The following DYNC1I1 variants were observed in gnomAD, a reference collection of about 807,000 sequenced individuals.
DYNC1I1 encodes cytoplasmic dynein 1 intermediate chain 1.
In DYNC1I1, 43 loss-of-function variants were observed where a neutral mutation model predicts 86.6. The observed-to-expected ratio is 0.50, with a 90% CI of 0.39 to 0.64. The LOEUF is 0.64. DYNC1I1 is among the 30% of genes least tolerant of loss of function. The pLI, the probability that DYNC1I1 is intolerant of heterozygous loss-of-function variation, is 0.00. For synonymous variants in DYNC1I1, 262 were observed against 283.7 expected (o/e 0.92, Z 0.77); for missense variants, 604 against 788.8 (o/e 0.77, Z 2.81).
intron 5 of DYNC1I1, among the ~76,000 whole-genome samples, chr7:95,842,916 T>C (rs1789326413): frequency 6.6e-6 from 1 of 152,150 alleles, no homozygotes; most frequent in Non-Finnish European, 1.5e-5. Flanking sequence ...TTCAGATACT[T>C]GAATTTCTAT....
intron 6 of DYNC1I1, among the ~76,000 whole-genome samples, chr7:95,874,479 T>C (rs1403649248): frequency 6.6e-6 from 1 of 152,194 alleles, no homozygotes; most frequent in African/African-American, 2.4e-5. Flanking sequence ...AAATAAAAAG[T>C]AAATTAGGTA....
chr7:95,975,164 T>G (rs969259373), intron 6 of DYNC1I1, among the ~76,000 whole-genome samples: 42 of 152,230 alleles, frequency 2.8e-4, no homozygotes, highest in African/African-American at 1.0e-3. Context: ...GCCTTAAGTG[T>G]TAGTGAATAT....
rs1584270198 is a variant in DYNC1I1 at position 96,039,544 on chromosome 7, C to G, written c.1509+123C>G. On this transcript the variant is annotated intron_variant, in intron 14 of 16. Coordinates refer to ENST00000447467, the MANE Select transcript of DYNC1I1 (RefSeq NM_001135556.2). The stretch of plus-strand genomic sequence containing the variant: ...AACCTGGCATTGGGAATTCATATAC[C>G]TTCTGGTGAGCTCAGTCTACCTCAG... 30 of 1,212,232 alleles carry G rather than the reference C, an allele frequency of 2.5e-5. No individual in the cohort carries two copies. The East Asian group carries it at 7.4e-4, about 30-fold the overall frequency. The allele number at this position is 1,212,232 out of a possible 1,614,324, so 75.1% of individuals were successfully genotyped here. A position where few individuals can be genotyped will look rare whatever the true frequency, so the allele number is the denominator to read the frequency against.
intron 10 of DYNC1I1, among the ~76,000 whole-genome samples, chr7:96,012,374 G>A (rs1794297248): frequency 6.6e-6 from 1 of 152,178 alleles, no homozygotes; most frequent in South Asian, 2.1e-4. Context: ...TGGTTGTTCT[G>A]TTTGAAATGG....
rs1286627250 is a variant in DYNC1I1, at chr7:95,891,611, AGTGT to A, written c.490+21617_490+21620del. On this transcript the variant is annotated intron_variant, in intron 6 of 16. Coordinates refer to ENST00000447467, the MANE Select transcript of DYNC1I1 (RefSeq NM_001135556.2). ...GGAAGAGTCCATATGAACAGAATGA[AGTGT>A]GTGGCCTAGGGAGAGTTTTAATGTT... Among the ~76,000 whole-genome samples, 5 of 152,326 alleles carry A rather than the reference AGTGT, an allele frequency of 3.3e-5. No homozygotes were observed. In the East Asian group the frequency reaches 9.6e-4, roughly 29 times the overall value.
chr7:95,810,077 C>A (rs1794793521), intron 2 of DYNC1I1, among the ~76,000 whole-genome samples: 1 of 151,966 alleles, frequency 6.6e-6, no homozygotes, highest in African/African-American at 2.4e-5. Context: ...AAAAAAGAGA[C>A]AGAATTTTTT....
intron 6 of DYNC1I1, among the ~76,000 whole-genome samples, chr7:95,920,238 T>C (rs1477581628): frequency 6.6e-6 from 1 of 152,130 alleles, no homozygotes. Context: ...TTTACTTCTG[T>C]AGTCTTCCTC....
At chr7:95,955,156 G>T (rs1002881324) in intron 6 of DYNC1I1, among the ~76,000 whole-genome samples, 1 of 152,102 alleles carries the variant, frequency 6.6e-6, no homozygotes, top group Non-Finnish European at 1.5e-5. Flanking sequence ...GTTTTGATAA[G>T]TATGTGAGGT....
At chr7:95,843,360 C>G (rs1789340063) in intron 5 of DYNC1I1, among the ~76,000 whole-genome samples, 1 of 152,178 alleles carries the variant, frequency 6.6e-6, no homozygotes, top group Non-Finnish European at 1.5e-5. Context: ...AACTCTGTCT[C>G]TACAACTTAG....
chr7:96,055,951 G>A (rs1335607706), intron 14 of DYNC1I1: 1 of 152,172 alleles, frequency 6.6e-6, no homozygotes, highest in Non-Finnish European at 1.5e-5. Context: ...AAAAGTAAGA[G>A]GAGGTCTCTT....
intron 1 of DYNC1I1, among the ~76,000 whole-genome samples, chr7:95,775,150 G>A (rs1486947824): frequency 6.6e-6 from 1 of 152,316 alleles, no homozygotes; most frequent in Admixed American, 6.5e-5. Flanking sequence ...AGGAAACTAA[G>A]ACACAAAGGT....
intron 7 of DYNC1I1, among the ~76,000 whole-genome samples, chr7:95,982,524 A>G (rs937594848): frequency 1.3e-5 from 2 of 152,182 alleles, no homozygotes; most frequent in African/African-American, 2.4e-5. Flanking sequence ...AATTACATAG[A>G]TACCATTTTT....
At chr7:96,055,270 G>T (rs1346738664) in intron 14 of DYNC1I1, among the ~76,000 whole-genome samples, 8 of 152,070 alleles carry the variant, frequency 5.3e-5, no homozygotes, top group African/African-American at 9.7e-5. Flanking sequence ...GGGCTTGGGG[G>T]TTAGAGGAGG....
At chr7:95,832,332 T>C (rs1053563137) in intron 5 of DYNC1I1, among the ~76,000 whole-genome samples, 1 of 151,100 alleles carries the variant, frequency 6.6e-6, no homozygotes, top group Non-Finnish European at 1.5e-5. Flanking sequence ...TATTCCATGG[T>C]GTATATGTGC....
chr7:96,059,515 A>G lies in DYNC1I1; in HGVS notation c.1510-16542A>G, dbSNP rs75319072. Among the ~76,000 whole-genome samples, 80 of 152,268 alleles carry G rather than the reference A, an allele frequency of 5.3e-4. 7 individuals carry two copies. The East Asian group carries it at 0.015, about 28-fold the overall frequency. The stretch of plus-strand genomic sequence containing the variant: ...AATATTTATTTTGGGGTTACAAGTA[A>G]ATTTCAGAAAGTAAGAGAATTTGCA... On this transcript the variant is annotated intron_variant, in intron 14 of 16. Transcript: ENST00000447467.
chr7:95,967,589 T>C (rs1432752182), intron 6 of DYNC1I1, among the ~76,000 whole-genome samples: 1 of 152,194 alleles, frequency 6.6e-6, no homozygotes, highest in Non-Finnish European at 1.5e-5. Context: ...TTGTGACACC[T>C]ACTACTGTGT....
intron 6 of DYNC1I1, among the ~76,000 whole-genome samples, chr7:95,913,485 G>C (rs1310565038): frequency 6.6e-6 from 1 of 152,154 alleles, no homozygotes; most frequent in Non-Finnish European, 1.5e-5. Flanking sequence ...TGCTGTTCTC[G>C]TGATAGTGAA....
intron 10 of DYNC1I1, among the ~76,000 whole-genome samples, chr7:96,016,262 A>G (rs1787769761): frequency 1.3e-5 from 2 of 152,072 alleles, no homozygotes; most frequent in Admixed American, 1.3e-4. Flanking sequence ...GTTATTCAGA[A>G]AAACCATGTG....
intron 14 of DYNC1I1, among the ~76,000 whole-genome samples, chr7:96,052,532 G>C (rs568025788): frequency 1.3e-5 from 2 of 152,156 alleles, no homozygotes. Context: ...TGAAGTTCTT[G>C]TGAAGATTAA....
Sources: gnomAD v4.1 joint callset for allele counts (sites outside exome capture counted in the v4.1 genomes callset) on GRCh38, gnomAD v4.1.1 for gene constraint, MANE v1.5 for transcripts, NCBI Gene and HGNC (gene_info 2026-07-23, HGNC 2026-07-21) for gene names.